The following SRPK2 variants were observed in gnomAD, a reference collection of about 807,000 sequenced individuals.
SRPK2 encodes SRSF protein kinase 2.
In SRPK2, 21 loss-of-function variants were observed where a neutral mutation model predicts 90.8. The observed-to-expected ratio is 0.23, with a 90% confidence interval of 0.16 to 0.33. The LOEUF (loss-of-function observed/expected upper bound fraction) is 0.33, where lower values mean the gene tolerates loss of function less well. SRPK2 is among the 10% of genes least tolerant of loss of function. The pLI is 1.00. For synonymous variants in SRPK2, 288 were observed against 311.1 expected, an observed-to-expected ratio of 0.93 and a Z score of 0.78; for missense variants, 620 against 869.0, an observed-to-expected ratio of 0.71 and a Z score of 3.60.
chr7:105,311,110 C>G (rs554685463), intron 2 of SRPK2, among the ~76,000 whole-genome samples: 1 of 151,780 alleles, frequency 6.6e-6, no homozygotes, highest in Admixed American at 6.6e-5. Context: ...GAAAAGGCAA[C>G]CTACAGAATG....
chr7:105,229,623 G>A (rs1241309398), intron 2 of SRPK2, among the ~76,000 whole-genome samples: 5 of 152,294 alleles, frequency 3.3e-5, no homozygotes, highest in African/African-American at 9.6e-5. Flanking sequence ...GGGGAGCGCA[G>A]GAATAAAATT....
intron 3 of SRPK2, among the ~76,000 whole-genome samples, chr7:105,198,580 C>T (rs1795191000): frequency 6.6e-6 from 1 of 152,150 alleles, no homozygotes; most frequent in South Asian, 2.1e-4. Flanking sequence ...ACACACCCAA[C>T]ATGAGACACG....
chr7:105,170,670 G>T (rs754748697), intron 3 of SRPK2, among the ~76,000 whole-genome samples: 2 of 149,518 alleles, frequency 1.3e-5, no homozygotes, highest in Non-Finnish European at 3.0e-5. Context: ...CTCCAGCCTG[G>T]GTTACAGAGT....
intron 7 of SRPK2, among the ~76,000 whole-genome samples, chr7:105,148,217 A>G (rs1186957962): frequency 6.6e-6 from 1 of 152,188 alleles, no homozygotes; most frequent in Non-Finnish European, 1.5e-5. Flanking sequence ...ATCTTGTTGT[A>G]GTTTTGATCT....
At chr7:105,379,669 A>T (rs1393964713) in intron 2 of SRPK2, among the ~76,000 whole-genome samples, 3 of 152,198 alleles carry the variant, frequency 2.0e-5, no homozygotes, top group African/African-American at 7.2e-5. Flanking sequence ...AAAAATCATC[A>T]AACTGTACAA....
intron 2 of SRPK2, among the ~76,000 whole-genome samples, chr7:105,224,162 A>G (rs1249599390): frequency 3.3e-5 from 5 of 152,172 alleles, no homozygotes; most frequent in Non-Finnish European, 5.9e-5. Context: ...CCCATTCTAT[A>G]TTTTTAAATA....
At chr7:105,203,983 AT>A (rs1025145735) in intron 2 of SRPK2, among the ~76,000 whole-genome samples, 198 bp from the exon 3 acceptor site, 1 of 146,632 alleles carries the variant, frequency 6.8e-6, no homozygotes, top group Non-Finnish European at 1.5e-5. Context: ...AAAAAAAAAA[AT>A]CTGCCCTTAT....
chr7:105,295,126 C>T (rs551711845), intron 2 of SRPK2, among the ~76,000 whole-genome samples: 5 of 151,642 alleles, frequency 3.3e-5, no homozygotes, highest in African/African-American at 9.7e-5. Flanking sequence ...GCACGAGAAT[C>T]GCTTGAACCC....
chr7:105,240,026 C>A (rs1234205585), intron 2 of SRPK2, among the ~76,000 whole-genome samples: 1 of 152,156 alleles, frequency 6.6e-6, no homozygotes, highest in Non-Finnish European at 1.5e-5. Flanking sequence ...CATAAAAGGT[C>A]TTACTCTGTT....
intron 3 of SRPK2, among the ~76,000 whole-genome samples, chr7:105,181,653 T>G (rs1354803792): frequency 6.6e-6 from 1 of 151,394 alleles, no homozygotes; most frequent in Non-Finnish European, 1.5e-5. Context: ...CATGTATAAG[T>G]GGGAAGTAAA....
At chr7:105,247,561 C>G (rs933703646) in intron 2 of SRPK2, among the ~76,000 whole-genome samples, 1 of 149,356 alleles carries the variant, frequency 6.7e-6, no homozygotes, top group Non-Finnish European at 1.5e-5. Context: ...CACACACACA[C>G]AGAAGTTATA....
chr7:105,292,303 T>C (rs1439948608), intron 2 of SRPK2, among the ~76,000 whole-genome samples: 1 of 151,696 alleles, frequency 6.6e-6, no homozygotes, highest in East Asian at 1.9e-4. Context: ...AGGTCAGGAG[T>C]TCGAGACCAG....
chr7:105,178,364 C>A (rs1259517680), intron 3 of SRPK2, among the ~76,000 whole-genome samples: 1 of 152,164 alleles, frequency 6.6e-6, no homozygotes, highest in Non-Finnish European at 1.5e-5. Flanking sequence ...AGCAGTCAAT[C>A]AGAGAAGCCA....
At chr7:105,376,152 A>C (rs1325992874) in intron 2 of SRPK2, among the ~76,000 whole-genome samples, 2 of 150,420 alleles carry the variant, frequency 1.3e-5, no homozygotes, top group East Asian at 3.9e-4. Context: ...CCGCCACCAC[A>C]CCCAGCAAAT....
At chr7:105,303,820 G>A (rs1475576722) in intron 2 of SRPK2, among the ~76,000 whole-genome samples, 6 of 152,032 alleles carry the variant, frequency 3.9e-5, no homozygotes, top group Non-Finnish European at 4.4e-5. Flanking sequence ...CAAAACACAC[G>A]AATATGTGGC....
At chr7:105,310,356 A>G (rs1473898365) in intron 2 of SRPK2, among the ~76,000 whole-genome samples, 1 of 152,212 alleles carries the variant, frequency 6.6e-6, no homozygotes, top group Non-Finnish European at 1.5e-5. Context: ...TTTTAGTAAA[A>G]TGTTCTCTTT....
chr7:105,147,518 A>C (rs1312733052), intron 7 of SRPK2, among the ~76,000 whole-genome samples: 1 of 151,856 alleles, frequency 6.6e-6, no homozygotes, highest in East Asian at 1.9e-4. Flanking sequence ...ACGGGGTTTT[A>C]CCATATTGGC....
At chr7:105,260,035 T>G (rs1803982839) in intron 2 of SRPK2, among the ~76,000 whole-genome samples, 3 of 151,876 alleles carry the variant, frequency 2.0e-5, no homozygotes, top group Admixed American at 1.3e-4. Flanking sequence ...AATAGACAAA[T>G]GGGATCTAAT....
chr7:105,267,684 AATG>A (rs1805283715), intron 2 of SRPK2, among the ~76,000 whole-genome samples: 1 of 152,172 alleles, frequency 6.6e-6, no homozygotes, highest in Non-Finnish European at 1.5e-5. Flanking sequence ...ATCAATTTAA[AATG>A]ATAATTTTAC....
Sources: gnomAD v4.1 joint callset for allele counts (sites outside exome capture counted in the v4.1 genomes callset) on GRCh38, gnomAD v4.1.1 for gene constraint, MANE v1.5 for transcripts, NCBI Gene and HGNC (gene_info 2026-07-23, HGNC 2026-07-21) for gene names.